PEPD: variants seen among roughly 807,000 people sequenced by gnomAD.
The protein encoded by PEPD is xaa-Pro dipeptidase.
PEPD carries 53 observed loss-of-function variants against 60.7 expected under a neutral mutation model. The ratio of observed to expected loss-of-function variants is 0.87; its 90% CI spans 0.70 to 1.10. The LOEUF is 1.10. Among genes scored for constraint, PEPD ranks in the 50% least tolerant of loss-of-function variants. The pLI, the probability that PEPD is intolerant of heterozygous loss-of-function variation, is 0.00. For missense variants in PEPD, 711 were observed against 711.9 expected (o/e 1.00, Z 0.01); for synonymous variants, 267 against 284.1 (o/e 0.94, Z 0.60).
Position 33,483,678 on chromosome 19 carries a change from C to T in PEPD, c.504-5588G>A, listed in dbSNP as rs977564473. ...TTTAAAAATTATCTGGGTGTGTTGG[C>T]GCACACCTATAGTCCCAACTATTCA... On this transcript the variant is annotated intron_variant, in intron 6 of 14. Coordinates refer to ENST00000244137, the MANE Select transcript of PEPD (RefSeq NM_000285.4). Among the ~76,000 whole-genome samples, 7 of 152,110 alleles carry T rather than the reference C, an allele frequency of 4.6e-5. No homozygotes were observed. The East Asian group carries it at 5.8e-4, about 13-fold the overall frequency.
At chr19:33,419,059 G>A (rs553790151) in intron 9 of PEPD, among the ~76,000 whole-genome samples, 39 of 152,222 alleles carry the variant, frequency 2.6e-4, no homozygotes, top group South Asian at 1.7e-3. Flanking sequence ...TCTTCCTGCC[G>A]CTCCTACACC....
chr19:33,459,521 G>GT (rs1285076621), intron 9 of PEPD, among the ~76,000 whole-genome samples: 6 of 152,176 alleles, frequency 3.9e-5, no homozygotes, highest in African/African-American at 1.4e-4. Context: ...TGGGCCTGCT[G>GT]TTAGAGCCCA....
intron 3 of PEPD, 21 bp downstream of exon 3, chr19:33,511,007 C>T (rs1970915772): frequency 1.2e-6 from 2 of 1,609,734 alleles, no homozygotes; most frequent in Admixed American, 1.7e-5. Context: ...GCCATGGTGC[C>T]CTGGCCAGGC....
At chr19:33,472,890 C>T (rs1970150320) in intron 7 of PEPD, among the ~76,000 whole-genome samples, 1 of 152,180 alleles carries the variant, frequency 6.6e-6, no homozygotes. Flanking sequence ...CACTCCATGA[C>T]CCAGTGATGC....
At chr19:33,432,737 C>T (rs1969300762) in intron 9 of PEPD, among the ~76,000 whole-genome samples, 2 of 152,230 alleles carry the variant, frequency 1.3e-5, no homozygotes, top group South Asian at 2.1e-4. Context: ...ACAGAAATCT[C>T]GGATTCAGCA....
chr19:33,403,932 C>T (rs962774734), intron 11 of PEPD, among the ~76,000 whole-genome samples: 1 of 152,208 alleles, frequency 6.6e-6, no homozygotes, highest in East Asian at 1.9e-4. Context: ...CAACAACTGC[C>T]TGGAAGTCTA....
intron 11 of PEPD, among the ~76,000 whole-genome samples, chr19:33,403,116 G>T (rs1405524670): frequency 6.6e-6 from 1 of 152,200 alleles, no homozygotes; most frequent in African/African-American, 2.4e-5. Context: ...GGTGGACAAG[G>T]CTGGGCCTGG....
At chr19:33,416,189 C>A (rs1203020892) in intron 9 of PEPD, among the ~76,000 whole-genome samples, 1 of 152,194 alleles carries the variant, frequency 6.6e-6, no homozygotes, top group Non-Finnish European at 1.5e-5. Flanking sequence ...TGGGCCAGAG[C>A]TTGGCGAGTG....
At chr19:33,476,451 T>C (rs1036398840) in intron 7 of PEPD, among the ~76,000 whole-genome samples, 1 of 152,198 alleles carries the variant, frequency 6.6e-6, no homozygotes, top group African/African-American at 2.4e-5. Context: ...GACAAAAACC[T>C]GGAGTCACCT....
intron 9 of PEPD, among the ~76,000 whole-genome samples, chr19:33,444,660 T>C (rs1841875388): frequency 6.8e-6 from 1 of 147,970 alleles, no homozygotes; most frequent in Admixed American, 6.8e-5. Flanking sequence ...GCCTCCTCAC[T>C]GTCCTCCCCA....
At chr19:33,482,031 AAAC>A (rs138807337) in intron 6 of PEPD, among the ~76,000 whole-genome samples, 7 of 151,730 alleles carry the variant, frequency 4.6e-5, no homozygotes, top group African/African-American at 7.3e-5. Flanking sequence ...ACAAACAAAT[AAAC>A]AACAACAACA....
intron 9 of PEPD, among the ~76,000 whole-genome samples, chr19:33,430,360 T>G (rs887978716): frequency 2.6e-5 from 4 of 152,030 alleles, no homozygotes; most frequent in Admixed American, 6.6e-5. Context: ...ACGGTCGAAG[T>G]GTCGTTCACA....
chr19:33,474,785 A>T (rs1458415081), intron 7 of PEPD, among the ~76,000 whole-genome samples: 2 of 152,096 alleles, frequency 1.3e-5, no homozygotes, highest in Non-Finnish European at 2.9e-5. Context: ...GTTCGAGGCC[A>T]GCCTGGGCAA....
intron 4 of PEPD, among the ~76,000 whole-genome samples, chr19:33,496,430 G>A (rs533280697): frequency 6.6e-6 from 1 of 152,242 alleles, no homozygotes; most frequent in Admixed American, 6.5e-5. Context: ...ACAACTGCTT[G>A]AGTGGGCCCT....
At chr19:33,500,902 G>C in intron 4 of PEPD, 36 bp downstream of exon 4, 1 of 1,243,792 alleles carries the variant, frequency 8.0e-7, no homozygotes, top group Non-Finnish European at 1.2e-6. Context: ...CATGCTGGAA[G>C]CCCTGGGCTG....
At chr19:33,401,440 G>A (rs574258797) in intron 12 of PEPD, among the ~76,000 whole-genome samples, 1 of 152,348 alleles carries the variant, frequency 6.6e-6, no homozygotes, top group East Asian at 1.9e-4. Flanking sequence ...AGGCTGGCGT[G>A]CTAGTGGCCA....
chr19:33,461,506 G>C (rs976143281), intron 9 of PEPD, among the ~76,000 whole-genome samples: 5 of 152,192 alleles, frequency 3.3e-5, no homozygotes, highest in African/African-American at 1.2e-4. Context: ...CCTGCAGCAC[G>C]GGGCTCAAGC....
At chr19:33,504,944 C>T (rs948456164) in intron 3 of PEPD, among the ~76,000 whole-genome samples, 1 of 152,040 alleles carries the variant, frequency 6.6e-6, no homozygotes, top group Non-Finnish European at 1.5e-5. Flanking sequence ...CCAGTTGGGC[C>T]CTGGCATGGA....
intron 10 of PEPD, among the ~76,000 whole-genome samples, chr19:33,413,169 T>C (rs1431941857): frequency 6.6e-6 from 1 of 152,218 alleles, no homozygotes; most frequent in Non-Finnish European, 1.5e-5. Context: ...CTTTCTGCAC[T>C]GACCCTTCCA....
Sources: allele counts gnomAD v4.1 joint callset (sites outside exome capture counted in the v4.1 genomes callset), GRCh38; gene constraint gnomAD v4.1.1; transcripts MANE v1.5; gene names NCBI Gene and HGNC (gene_info 2026-07-23, HGNC 2026-07-21).